CEP152: variants seen among roughly 807,000 people sequenced by gnomAD.
The protein encoded by CEP152 is centrosomal protein of 152 kDa.
CEP152 carries 132 observed loss-of-function variants against 188.9 expected under a neutral mutation model. The ratio of observed to expected loss-of-function variants is 0.70; its 90% CI spans 0.61 to 0.81. CEP152 has a LOEUF of 0.81. CEP152 is among the 30% of genes least tolerant of loss of function. The probability of loss-of-function intolerance (pLI) is 0.00; values close to 1 mark genes in which losing one functional copy is unlikely to be tolerated. For missense variants in CEP152, 1,914 were observed against 1,969.8 expected (o/e 0.97, Z 0.54); for synonymous variants, 649 against 666.6 (o/e 0.97, Z 0.41).
chr15:48,769,215 T>C, intron 13 of CEP152, 134 bp from the exon 14 acceptor site: 1 of 672,130 alleles, frequency 1.5e-6, no homozygotes, highest in Non-Finnish European at 2.5e-6. Flanking sequence ...CTTCCCCCAA[T>C]ATAACTACAG....
chr15:48,753,289 G>A (rs1318882070), intron 20 of CEP152, among the ~76,000 whole-genome samples: 1 of 152,206 alleles, frequency 6.6e-6, no homozygotes, highest in Admixed American at 6.5e-5. Flanking sequence ...GCCTCCCAAA[G>A]TACTGGGATT....
At chr15:48,764,543 A>G (rs954003458) in intron 17 of CEP152, among the ~76,000 whole-genome samples, 3 of 152,324 alleles carry the variant, frequency 2.0e-5, no homozygotes, top group South Asian at 2.1e-4. Flanking sequence ...AATTGTATAA[A>G]TAAGCCTTAA....
chr15:48,741,578 T>C (rs774246922), intron 26 of CEP152, 23 bp downstream of exon 26: 4 of 1,614,064 alleles, frequency 2.5e-6, no homozygotes, highest in South Asian at 1.1e-5. Context: ...AGAAAAACCA[T>C]TTGGCGACTC....
chr15:48,758,718 C>CAA (rs869223881), intron 19 of CEP152, among the ~76,000 whole-genome samples: 16,619 of 70,344 alleles, frequency 0.24, 2,593 homozygotes, highest in Middle Eastern at 0.46. Flanking sequence ...GACTCCATCT[C>CAA]AAAAAAAAAA....
Position 48,796,034 on chromosome 15 carries a change from G to A in CEP152, c.667C>T (p.Gln223Ter), listed in dbSNP as rs199965941. 4.3e-6 allele frequency: 7 copies of A among 1,613,718 alleles called. No individual in the cohort carries two copies. The highest frequency in any genetic ancestry group is 1.3e-5 in the African/African-American group (1 of 74,882). ...CTCTCATTAGCTCCTAAAAATTGTTGTTGCAGGCCTTCGAATGTGTCACTT... is the reference window on the plus strand; with the variant it reads ...CTCTCATTAGCTCCTAAAAATTGTTATTGCAGGCCTTCGAATGTGTCACTT... ...TGSDTFEGLQQQFLGANENSA... is the reference protein window; with the variant it reads ...TGSDTFEGLQ The change falls in exon 6 of 27, where the codon CAA becomes TAA. Residue 223 changes from glutamine (Q) to a stop codon, truncating the protein, a stop_gained. Transcript: ENST00000380950. LOFTEE classifies it high-confidence loss of function.
chr15:48,778,804 C>T (rs1896075364), intron 12 of CEP152, among the ~76,000 whole-genome samples: 1 of 151,996 alleles, frequency 6.6e-6, no homozygotes, highest in African/African-American at 2.4e-5. Flanking sequence ...ACAAAATTAG[C>T]TGGGCATGGT....
intron 13 of CEP152, among the ~76,000 whole-genome samples, chr15:48,772,096 G>A (rs1895571719): frequency 6.6e-6 from 1 of 152,080 alleles, no homozygotes; most frequent in South Asian, 2.1e-4. Flanking sequence ...ACTCCTGAAA[G>A]CCAAAGGTTT....
intron 26 of CEP152, 169 bp downstream of exon 26, chr15:48,741,427 CTTAAA>C: frequency 6.8e-7 from 1 of 1,463,348 alleles, no homozygotes; most frequent in East Asian, 2.6e-5. Context: ...AGTCTGCCTA[CTTAAA>C]TTGGAAACTG....
In CEP152 at chr15:48,756,421, C is replaced by T. The variant is rs552367317; in HGVS notation, c.2827G>A (p.Glu943Lys). The T allele has an allele frequency of 7.1e-5, 115 of 1,613,530 alleles. No individual in the cohort carries two copies. In the South Asian group the frequency reaches 7.5e-4, roughly 10 times the overall value. ...SLQKELELKN[E>K]EVPVVIRAEL... is the part of the protein sequence containing the mutation. Reference sequence around the variant, plus strand: ...GCCCTGATGACCACAGGGACTTCTTCGTTCTTTAACTCAAGTTCCTTCTGA... The same window carrying T: ...GCCCTGATGACCACAGGGACTTCTTTGTTCTTTAACTCAAGTTCCTTCTGA... Residue 943 changes from glutamate to lysine, a missense_variant, in exon 20 of 27, where the codon GAA becomes AAA. By Grantham distance (56) the Glu-to-Lys change is moderately conservative (BLOSUM62 1). Transcript: ENST00000380950.
intron 20 of CEP152, among the ~76,000 whole-genome samples, chr15:48,755,546 C>A (rs560609799): frequency 6.6e-6 from 1 of 152,048 alleles, no homozygotes; most frequent in Non-Finnish European, 1.5e-5. Flanking sequence ...ATGTGCTGAA[C>A]GTGAAGGTTT....
rs1199105359 is a variant in CEP152, at chr15:48,742,063, T to C, written c.3873A>G (p.Arg1291=). ...CCTCTGCTTTTACCATTTCTGCAGC[T>C]CGTTCCTTACTCTCCTGAATATAAC... is the stretch of plus-strand genomic sequence containing the variant. ...MLRYIQESKE[R]AAEMVKAEVL... is the part of the protein sequence containing the mutation. Residue 1291 remains arginine, a synonymous_variant, in exon 25 of 27, where the codon CGA becomes CGG. Coordinates refer to ENST00000380950, the MANE Select transcript of CEP152 (RefSeq NM_001194998.2). The C allele has an allele frequency of 5.6e-6, 9 of 1,614,116 alleles. No individual in the cohort carries two copies. The highest frequency in any genetic ancestry group is 7.6e-6 in the Non-Finnish European group (9 of 1,179,998).
intron 12 of CEP152, among the ~76,000 whole-genome samples, chr15:48,774,775 C>G (rs1024199057): frequency 6.6e-6 from 1 of 151,962 alleles, no homozygotes; most frequent in Non-Finnish European, 1.5e-5. Flanking sequence ...ATGCAACTAA[C>G]CAGAAAAATG....
chr15:48,774,076 CTT>C (rs1895732302), intron 12 of CEP152, among the ~76,000 whole-genome samples: 1 of 151,818 alleles, frequency 6.6e-6, no homozygotes, highest in Non-Finnish European at 1.5e-5. Flanking sequence ...TCAAATTAAA[CTT>C]ATAGAAAAAA....
intron 7 of CEP152, among the ~76,000 whole-genome samples, chr15:48,792,817 T>G (rs1269464658): frequency 1.3e-5 from 2 of 150,532 alleles, no homozygotes; most frequent in African/African-American, 4.9e-5. Flanking sequence ...CAAAATAGAG[T>G]GTCTTTTTTT....
rs776116845 is a variant in CEP152, at chr15:48,762,520, A to G, written c.2433T>C (p.Ile811=). 6.2e-7 allele frequency: 1 copy of G among 1,614,012 alleles called. No homozygotes were observed. The highest frequency in any genetic ancestry group is 2.2e-5 in the East Asian group (1 of 44,850). Residue 811 remains isoleucine, a synonymous_variant, in exon 18 of 27, where the codon ATT becomes ATC. Transcript: ENST00000380950. ...TTGTGCACTTCTGCTCTTCTATCAT[A>G]ATTGCCATCTCTTTCTTGGAAATAA... ...SDVISKKEMA[I]MIEEQKCTIQ...
At chr15:48,805,437 TG>T (rs1373602693) in intron 2 of CEP152, 125 bp downstream of exon 2, 101 of 1,264,304 alleles carry the variant, frequency 8.0e-5, no homozygotes, top group Middle Eastern at 2.8e-4. Context: ...ATTTTAGGGT[TG>T]TTTTTTTTTT....
chr15:48,798,199 T>C (rs576381383), intron 2 of CEP152, 148 bp from the exon 3 acceptor site: 1 of 685,466 alleles, frequency 1.5e-6, no homozygotes, highest in African/African-American at 1.8e-5. Context: ...TCCACACAAA[T>C]TATATTCATC....
At chr15:48,798,817 G>A (rs936665952) in intron 2 of CEP152, among the ~76,000 whole-genome samples, 3 of 152,082 alleles carry the variant, frequency 2.0e-5, no homozygotes, top group Non-Finnish European at 2.9e-5. Context: ...AATTTCAAAT[G>A]TGATAAAAAG....
Position 48,737,995 on chromosome 15 carries a change from T to C in CEP152, c.*254A>G. ...TAACACTGCAGAGTGAGTCAATTTA[T>C]AAGTATAAAAATAGATGGTTTAGAA... On this transcript the variant is annotated 3_prime_UTR_variant, in exon 27 of 27. Coordinates refer to ENST00000380950, the MANE Select transcript of CEP152 (RefSeq NM_001194998.2). 1 of 408,840 alleles carries C rather than the reference T, an allele frequency of 2.4e-6. No homozygotes were observed. 25.3% of individuals were successfully genotyped at this position (408,840 alleles called of 1,614,324 possible).
Sources: allele counts gnomAD v4.1 joint callset (sites outside exome capture counted in the v4.1 genomes callset), GRCh38; gene constraint gnomAD v4.1.1; transcripts MANE v1.5; gene names NCBI Gene and HGNC (gene_info 2026-07-23, HGNC 2026-07-21).